ANXA8: variants seen among roughly 807,000 people sequenced by gnomAD.
ANXA8 encodes the protein VAC-beta.
A neutral mutation model predicts 26.8 loss-of-function variants in ANXA8; 9 were observed. The observed-to-expected ratio is 0.34, with a 90% CI of 0.20 to 0.59. ANXA8 has a LOEUF of 0.59. Among genes scored for constraint, ANXA8 ranks in the 20% least tolerant of loss-of-function variants. The pLI, the probability that ANXA8 is intolerant of heterozygous loss-of-function variation, is 0.84. For synonymous variants in ANXA8, 39 were observed against 94.8 expected (o/e 0.41, Z 3.42); for missense variants, 83 against 238.5 (o/e 0.35, Z 4.29).
chr10:47,937,419 G>C, the ANXA8 span, among the ~76,000 whole-genome samples: 7 of 149,056 alleles, frequency 4.7e-5, no homozygotes, highest in Non-Finnish European at 7.5e-5. Flanking sequence ...GTTAATTTAA[G>C]TTTTAAAATT....
chr10:47,714,393 A>G, the ANXA8 span, among the ~76,000 whole-genome samples: 1 of 143,110 alleles, frequency 7.0e-6, no homozygotes, highest in Admixed American at 7.0e-5. Context: ...GTAGTAAATT[A>G]GATTTATGGC....
chr10:47,972,911 G>A, the ANXA8 span, among the ~76,000 whole-genome samples: 52 of 145,768 alleles, frequency 3.6e-4, no homozygotes, highest in East Asian at 0.01. Context: ...AGCATGTCAT[G>A]GGAGCTCAGG....
the ANXA8 span, among the ~76,000 whole-genome samples, chr10:47,952,796 C>T: frequency 6.7e-6 from 1 of 149,260 alleles, no homozygotes; most frequent in African/African-American, 2.5e-5. Flanking sequence ...GACAATTCGT[C>T]AGTGGAACAG....
At chr10:47,498,128 A>G in the ANXA8 span, among the ~76,000 whole-genome samples, 1 of 149,730 alleles carries the variant, frequency 6.7e-6, no homozygotes, top group East Asian at 2.2e-4. Context: ...CCAAAACTCT[A>G]TATCCACTAA....
chr10:47,947,634 C>A, the ANXA8 span, among the ~76,000 whole-genome samples: 1 of 150,848 alleles, frequency 6.6e-6, no homozygotes, highest in Non-Finnish European at 1.5e-5. Flanking sequence ...CACTTCCCCT[C>A]CTGCTCCGCC....
At chr10:47,640,811 G>A in the ANXA8 span, among the ~76,000 whole-genome samples, 1 of 132,500 alleles carries the variant, frequency 7.5e-6, no homozygotes, top group Admixed American at 7.4e-5. Context: ...TATTTCAGCT[G>A]CCCTGCTAAC....
At chr10:47,739,722 CTTT>C in the ANXA8 span, among the ~76,000 whole-genome samples, 1 of 126,414 alleles carries the variant, frequency 7.9e-6, no homozygotes, top group African/African-American at 2.9e-5. Context: ...ATTTTACCTT[CTTT>C]ATTATAATTA....
the ANXA8 span, among the ~76,000 whole-genome samples, chr10:47,699,228 G>A: frequency 6.7e-6 from 1 of 148,318 alleles, no homozygotes. Flanking sequence ...CATGCCTGTG[G>A]TCCCAGCTAC....
At chr10:47,945,072 C>T in the ANXA8 span, among the ~76,000 whole-genome samples, 4 of 150,524 alleles carry the variant, frequency 2.7e-5, 1 homozygote, top group African/African-American at 7.4e-5. Flanking sequence ...TTCTATGTCA[C>T]TCCCTCTGGG....
the ANXA8 span, among the ~76,000 whole-genome samples, chr10:47,740,298 C>A: frequency 2.0e-5 from 3 of 148,120 alleles, no homozygotes; most frequent in Non-Finnish European, 4.4e-5. Context: ...ACTGATTATG[C>A]AAGGCAGTAG....
chr10:47,940,837 A>G, the ANXA8 span, among the ~76,000 whole-genome samples: 1 of 144,536 alleles, frequency 6.9e-6, no homozygotes, highest in Non-Finnish European at 1.5e-5. Context: ...CAAAAAAAAA[A>G]AAGAAAAGAA....
At chr10:47,952,175 T>C in the ANXA8 span, among the ~76,000 whole-genome samples, 6 of 151,338 alleles carry the variant, frequency 4.0e-5, no homozygotes, top group Non-Finnish European at 5.9e-5. Context: ...TCAAATTTGA[T>C]AGTGAAAGAC....
the ANXA8 span, among the ~76,000 whole-genome samples, chr10:47,938,703 G>A: frequency 6.8e-6 from 1 of 146,880 alleles, no homozygotes; most frequent in Admixed American, 6.7e-5. Flanking sequence ...CGGGGCTCTG[G>A]GCCTCCTCCT....
chr10:47,693,375 T>C, the ANXA8 span, among the ~76,000 whole-genome samples: 51,539 of 149,198 alleles, frequency 0.35, 9,266 homozygotes, highest in East Asian at 0.54. Context: ...CTGCAAGCTC[T>C]GCCTCCCGGG....
the ANXA8 span, among the ~76,000 whole-genome samples, chr10:47,763,825 G>T: frequency 7.0e-6 from 1 of 142,114 alleles, no homozygotes; most frequent in Admixed American, 7.2e-5. Context: ...GGGAGTGCGT[G>T]TTTTGGGGGG....
At chr10:47,762,185 G>C in the ANXA8 span, among the ~76,000 whole-genome samples, 1 of 151,546 alleles carries the variant, frequency 6.6e-6, no homozygotes, top group Admixed American at 6.6e-5. Flanking sequence ...AGGTGAGCAC[G>C]CGCTTAGGGG....
At chr10:47,635,062 G>T in the ANXA8 span, among the ~76,000 whole-genome samples, 1 of 14,234 alleles carries the variant, frequency 7.0e-5, no homozygotes, top group Middle Eastern at 0.016. Flanking sequence ...TTTAGCCTTG[G>T]GATTTATATC....
chr10:47,953,497 G>C, the ANXA8 span, among the ~76,000 whole-genome samples: 3 of 150,202 alleles, frequency 2.0e-5, no homozygotes, highest in Non-Finnish European at 4.4e-5. Flanking sequence ...CTGTCACTTC[G>C]AAAAACAGTT....
At chr10:47,557,499 GT>G in the ANXA8 span, among the ~76,000 whole-genome samples, 3 of 149,226 alleles carry the variant, frequency 2.0e-5, no homozygotes, top group African/African-American at 5.0e-5. Context: ...GGATTAGAAA[GT>G]ACATTAATAT....
Sources: gnomAD v4.1 joint callset for allele counts (sites outside exome capture counted in the v4.1 genomes callset) on GRCh38, gnomAD v4.1.1 for gene constraint, MANE v1.5 for transcripts, NCBI Gene and HGNC (gene_info 2026-07-23, HGNC 2026-07-21) for gene names.